ADARB2: variants seen among roughly 807,000 people sequenced by gnomAD.
ADARB2 encodes the protein inactive double-stranded RNA-specific editase B2.
A neutral mutation model predicts 62.2 loss-of-function variants in ADARB2; 25 were observed. The ratio of observed to expected loss-of-function variants is 0.40; its 90% CI spans 0.29 to 0.56. The LOEUF (loss-of-function observed/expected upper bound fraction) is 0.56. Ranked by LOEUF, ADARB2 falls within the 20% of genes least tolerant of loss-of-function variation. The probability of loss-of-function intolerance (pLI) is 0.43; values close to 1 mark genes in which losing one functional copy is unlikely to be tolerated. For synonymous variants in ADARB2, 572 were observed against 500.8 expected (o/e 1.14, Z -1.90); for missense variants, 1,071 against 1,077.4 (o/e 0.99, Z 0.08).
At chr10:1,386,593 A>T (rs780523172) in intron 1 of ADARB2, among the ~76,000 whole-genome samples, 1 of 152,004 alleles carries the variant, frequency 6.6e-6, no homozygotes, top group Non-Finnish European at 1.5e-5. Context: ...CACAATGATC[A>T]AGTCATCAAG....
At chr10:1,668,300 C>A (rs1400441998) in intron 1 of ADARB2, among the ~76,000 whole-genome samples, 1 of 152,138 alleles carries the variant, frequency 6.6e-6, no homozygotes, top group Non-Finnish European at 1.5e-5. Flanking sequence ...TCATTAGAAC[C>A]CAGTCATGTG....
intron 1 of ADARB2, among the ~76,000 whole-genome samples, chr10:1,553,364 A>G (rs1424363882): frequency 2.6e-5 from 4 of 152,136 alleles, no homozygotes; most frequent in Non-Finnish European, 5.9e-5. Context: ...CCTTCTGGGA[A>G]CTGGCATGGA....
intron 3 of ADARB2, among the ~76,000 whole-genome samples, chr10:1,318,329 G>A (rs1831760381): frequency 6.6e-6 from 1 of 152,126 alleles, no homozygotes; most frequent in African/African-American, 2.4e-5. Context: ...CAGCCCATAA[G>A]ATACTAGAAG....
intron 1 of ADARB2, among the ~76,000 whole-genome samples, chr10:1,424,862 A>G (rs528914969): frequency 6.6e-6 from 1 of 152,296 alleles, no homozygotes; most frequent in South Asian, 2.1e-4. Context: ...GCTAGCCACA[A>G]ATTGGAACTG....
intron 7 of ADARB2, among the ~76,000 whole-genome samples, chr10:1,209,178 G>T (rs1315770842): frequency 6.6e-6 from 1 of 152,094 alleles, no homozygotes; most frequent in African/African-American, 2.4e-5. Context: ...CGCTGAGGGC[G>T]CCTGAGAGGG....
intron 1 of ADARB2, among the ~76,000 whole-genome samples, chr10:1,593,877 T>C (rs1833299348): frequency 6.6e-6 from 1 of 152,186 alleles, no homozygotes; most frequent in South Asian, 2.1e-4. Flanking sequence ...TTTGATGATA[T>C]GTGAAGTGCT....
At chr10:1,713,800 T>C (rs1312830239) in intron 1 of ADARB2, among the ~76,000 whole-genome samples, 1 of 152,182 alleles carries the variant, frequency 6.6e-6, no homozygotes, top group African/African-American at 2.4e-5. Context: ...ATTGTCAATG[T>C]ATTGCATGTC....
At chr10:1,294,580 G>T (rs1311150680) in intron 3 of ADARB2, among the ~76,000 whole-genome samples, 2 of 152,162 alleles carry the variant, frequency 1.3e-5, no homozygotes, top group Non-Finnish European at 2.9e-5. Flanking sequence ...GTCGACCCTA[G>T]GACTTCTCCG....
At chr10:1,335,890 G>A (rs889399953) in intron 3 of ADARB2, among the ~76,000 whole-genome samples, 4 of 152,172 alleles carry the variant, frequency 2.6e-5, no homozygotes, top group African/African-American at 4.8e-5. Context: ...TGCAATCCCC[G>A]TGTCTTCACA....
intron 1 of ADARB2, among the ~76,000 whole-genome samples, chr10:1,608,809 G>C (rs558818005): frequency 9.6e-5 from 11 of 114,138 alleles, no homozygotes; most frequent in African/African-American, 4.8e-4. Flanking sequence ...AAGCAAGGGA[G>C]GGAGGAGGAA....
At chr10:1,405,112 A>G (rs1832696448) in intron 1 of ADARB2, among the ~76,000 whole-genome samples, 1 of 152,210 alleles carries the variant, frequency 6.6e-6, no homozygotes, top group South Asian at 2.1e-4. Flanking sequence ...GACAAACCAC[A>G]GAGGTAACGG....
chr10:1,375,787 TGCACACAC>T (rs1430838948), intron 2 of ADARB2, among the ~76,000 whole-genome samples: 15 of 146,318 alleles, frequency 1.0e-4, no homozygotes, highest in South Asian at 6.4e-4. Context: ...TGCACACACA[TGCACACAC>T]GCACACACAC....
At chr10:1,694,875 G>T (rs887693708) in intron 1 of ADARB2, among the ~76,000 whole-genome samples, 1 of 152,112 alleles carries the variant, frequency 6.6e-6, no homozygotes, top group Non-Finnish European at 1.5e-5. Flanking sequence ...CCTGTGGGTG[G>T]GAAGCAGAGG....
chr10:1,315,374 A>G (rs912031600), intron 3 of ADARB2, among the ~76,000 whole-genome samples: 3 of 152,220 alleles, frequency 2.0e-5, no homozygotes, highest in African/African-American at 7.2e-5. Flanking sequence ...CGGCTGAGTG[A>G]GCGCAAAGCG....
At position 1,586,586 on chromosome 10, in the gene ADARB2, C is replaced by G. The variant is rs143669307; in HGVS notation, c.100+150465G>C. Among the ~76,000 whole-genome samples, 384 of 152,338 alleles carry G rather than the reference C, an allele frequency of 2.5e-3. 1 individual carries two copies. The highest frequency in any genetic ancestry group is 8.8e-3 in the African/African-American group (365 of 41,574). Reference sequence around the variant, plus strand: ...TCTCTGCCCCGAGGGGATCTGCTCACCTTACTCAATCAGGTGATGGTTAGA... The same window carrying G: ...TCTCTGCCCCGAGGGGATCTGCTCAGCTTACTCAATCAGGTGATGGTTAGA... On this transcript the variant is annotated intron_variant, in intron 1 of 9. Transcript: ENST00000381312.
chr10:1,570,980 G>T (rs1198795676), intron 1 of ADARB2, among the ~76,000 whole-genome samples: 1 of 152,032 alleles, frequency 6.6e-6, no homozygotes, highest in African/African-American at 2.4e-5. Flanking sequence ...TGGGCTTTAG[G>T]GTCTCCTGCC....
chr10:1,203,841 C>T (rs1164839230), intron 7 of ADARB2, among the ~76,000 whole-genome samples: 2 of 152,128 alleles, frequency 1.3e-5, no homozygotes, highest in South Asian at 4.1e-4. Context: ...AGTGGGATGT[C>T]TGGGCCAGCC....
chr10:1,580,644 C>T (rs139529868), intron 1 of ADARB2, among the ~76,000 whole-genome samples: 33 of 152,232 alleles, frequency 2.2e-4, no homozygotes, highest in Admixed American at 1.1e-3. Context: ...CTGGGGCTTA[C>T]GCTTGGTGTT....
At chr10:1,467,743 T>C (rs935025960) in intron 1 of ADARB2, among the ~76,000 whole-genome samples, 5 of 152,152 alleles carry the variant, frequency 3.3e-5, no homozygotes, top group African/African-American at 1.2e-4. Flanking sequence ...AAAATAAAAA[T>C]AAATGTTGAT....
Sources: gnomAD v4.1 joint callset for allele counts (sites outside exome capture counted in the v4.1 genomes callset) on GRCh38, gnomAD v4.1.1 for gene constraint, MANE v1.5 for transcripts, NCBI Gene and HGNC (gene_info 2026-07-23, HGNC 2026-07-21) for gene names.